Variants in C4orf17 observed in about 807,000 individuals in gnomAD.
C4orf17 encodes the protein chromosome 4 open reading frame 17, also known as uncharacterized protein C4orf17.
C4orf17 carries 25 observed loss-of-function variants against 32.0 expected under a neutral mutation model. The ratio of observed to expected loss-of-function variants is 0.78; its 90% CI spans 0.57 to 1.09. The LOEUF (loss-of-function observed/expected upper bound fraction) is 1.09, where lower values mean the gene tolerates loss of function less well. C4orf17 is among the 50% of genes least tolerant of loss of function. The pLI is 0.00. For missense variants in C4orf17, 420 were observed against 420.0 expected (o/e 1.00, Z 0.00); for synonymous variants, 149 against 145.8 (o/e 1.02, Z -0.16).
At chr4:99,520,160 G>GCTCA (rs1373946958) in intron 2 of C4orf17, among the ~76,000 whole-genome samples, 3 of 151,268 alleles carry the variant, frequency 2.0e-5, no homozygotes, top group African/African-American at 7.3e-5. Context: ...TGCTATCTCG[G>GCTCA]CTCACTGCAA....
intron 1 of C4orf17, among the ~76,000 whole-genome samples, chr4:99,512,479 A>T (rs1002096410): frequency 1.3e-5 from 2 of 152,170 alleles, no homozygotes; most frequent in African/African-American, 4.8e-5. Flanking sequence ...TCATCTCCAG[A>T]TACATCACTC....
intron 5 of C4orf17, 105 bp from the exon 6 acceptor site, chr4:99,537,564 T>C (rs10516442): frequency 0.059 from 47,790 of 808,740 alleles, 2,727 homozygotes; most frequent in East Asian, 0.21. Flanking sequence ...GCACATCATA[T>C]ACAAAGTGAT....
intron 3 of C4orf17, 38 bp from the exon 4 acceptor site, chr4:99,524,483 G>C: frequency 7.8e-7 from 1 of 1,282,630 alleles, no homozygotes; most frequent in Non-Finnish European, 1.1e-6. Flanking sequence ...TTCTTTTTCA[G>C]TTTAATCTAA....
chr4:99,538,765 A>G (rs1723605120), intron 6 of C4orf17, among the ~76,000 whole-genome samples: 1 of 152,224 alleles, frequency 6.6e-6, no homozygotes, highest in East Asian at 1.9e-4. Flanking sequence ...TTTGGTGTAT[A>G]TCTTCCTAGA....
chr4:99,522,443 C>A, intron 2 of C4orf17, 57 bp from the exon 3 acceptor site: 1 of 1,327,592 alleles, frequency 7.5e-7, no homozygotes, highest in Non-Finnish European at 1.1e-6. Context: ...AGAAAACCTT[C>A]CAAACATCTA....
At chr4:99,525,545 A>G (rs1361308295) in intron 4 of C4orf17, among the ~76,000 whole-genome samples, 1 of 152,188 alleles carries the variant, frequency 6.6e-6, no homozygotes, top group Admixed American at 6.5e-5. Context: ...CTGTAATCCC[A>G]GAACTTTGGG....
chr4:99,534,349 A>G (rs1172269335), intron 5 of C4orf17, among the ~76,000 whole-genome samples: 1 of 152,192 alleles, frequency 6.6e-6, no homozygotes, highest in Non-Finnish European at 1.5e-5. Flanking sequence ...CATGGTGTAT[A>G]TGTATCACAT....
Position 99,529,933 on chromosome 4 carries a change from C to A in C4orf17, c.521C>A (p.Pro174Gln). The change falls in exon 5 of 9, where the codon CCA becomes CAA. Residue 174 changes from proline to glutamine, a missense_variant. By Grantham distance (76) the Pro-to-Gln change is moderately conservative. Transcript: ENST00000326581. Reference sequence around the variant, plus strand: ...GTGAAAGCAAACACCATTTGCATACCAAACTATCTGGATCAGGAAATAAAA... The same window carrying A: ...GTGAAAGCAAACACCATTTGCATACAAAACTATCTGGATCAGGAAATAAAA... ...NDVKANTICI[P>Q]NYLDQEIKIL... The A allele has an allele frequency of 6.2e-7, 1 of 1,611,198 alleles. No individual in the cohort carries two copies. The highest frequency in any genetic ancestry group is 8.5e-7 in the Non-Finnish European group (1 of 1,178,682).
At chr4:99,516,850 G>A (rs925383920) in intron 2 of C4orf17, among the ~76,000 whole-genome samples, 4 of 151,992 alleles carry the variant, frequency 2.6e-5, no homozygotes, top group South Asian at 2.1e-4. Flanking sequence ...TCTTCTCCTC[G>A]GGGCCCCTCT....
At chr4:99,528,539 A>T (rs769339433) in intron 4 of C4orf17, among the ~76,000 whole-genome samples, 130 of 152,296 alleles carry the variant, frequency 8.5e-4, no homozygotes, top group Non-Finnish European at 1.7e-3. Flanking sequence ...TCTTTGACTC[A>T]TGACTCAATT....
intron 6 of C4orf17, 48 bp from the exon 7 acceptor site, chr4:99,539,115 A>G: frequency 1.3e-6 from 2 of 1,528,624 alleles, no homozygotes; most frequent in South Asian, 2.2e-5. Flanking sequence ...ATCCAACATG[A>G]TAATTGCAAC....
At chr4:99,537,365 G>C (rs1251745807) in intron 5 of C4orf17, among the ~76,000 whole-genome samples, 1 of 152,116 alleles carries the variant, frequency 6.6e-6, no homozygotes, top group Non-Finnish European at 1.5e-5. Context: ...TTCATCCGTT[G>C]TTGAGGTCAG....
rs991581036 is a variant in C4orf17 at position 99,541,805 on chromosome 4, C to T, written c.881-105C>T. ...TGAATTTTGGGTGTATCTGATTCAC[C>T]TAAACTTCATATAGTTTTTTATAGA... On this transcript the variant is annotated intron_variant, in intron 8 of 8. Transcript: ENST00000326581. 3.6e-6 allele frequency: 3 copies of T among 838,988 alleles called. No individual in the cohort carries two copies. In the African/African-American group the frequency reaches 5.3e-5, roughly 15 times the overall value. 52.0% of individuals were successfully genotyped at this position (838,988 alleles called of 1,614,324 possible).
At chr4:99,527,993 A>G (rs1248705045) in intron 4 of C4orf17, among the ~76,000 whole-genome samples, 5 of 152,134 alleles carry the variant, frequency 3.3e-5, no homozygotes, top group Non-Finnish European at 7.4e-5. Context: ...TTTAAAATCT[A>G]TTTTGTTACA....
At chr4:99,529,258 C>T (rs866265821) in intron 4 of C4orf17, among the ~76,000 whole-genome samples, 3 of 152,116 alleles carry the variant, frequency 2.0e-5, no homozygotes, top group Admixed American at 2.0e-4. Flanking sequence ...GCTCCCAGAA[C>T]CTTTTAATTT....
At chr4:99,520,331 G>A (rs866847993) in intron 2 of C4orf17, among the ~76,000 whole-genome samples, 5 of 151,982 alleles carry the variant, frequency 3.3e-5, no homozygotes, top group Admixed American at 6.5e-5. Context: ...TCCTGACCTC[G>A]TGATCCGCCC....
chr4:99,513,738 T>C (rs902347970), intron 2 of C4orf17, among the ~76,000 whole-genome samples: 1 of 152,036 alleles, frequency 6.6e-6, no homozygotes, highest in African/African-American at 2.4e-5. Context: ...CTTTATACAG[T>C]AGAATTACTC....
At chr4:99,523,655 C>T (rs1457580535) in intron 3 of C4orf17, among the ~76,000 whole-genome samples, 2 of 152,118 alleles carry the variant, frequency 1.3e-5, no homozygotes, top group Non-Finnish European at 2.9e-5. Context: ...TCAGGTGTCA[C>T]CACCTAATAA....
At chr4:99,532,290 G>C (rs1278550639) in intron 5 of C4orf17, among the ~76,000 whole-genome samples, 1 of 152,096 alleles carries the variant, frequency 6.6e-6, no homozygotes, top group Non-Finnish European at 1.5e-5. Context: ...GCAAAGACAT[G>C]GAATCAACCT....
Sources: allele counts gnomAD v4.1 joint callset (sites outside exome capture counted in the v4.1 genomes callset), GRCh38; gene constraint gnomAD v4.1.1; transcripts MANE v1.5; gene names NCBI Gene and HGNC (gene_info 2026-07-23, HGNC 2026-07-21).